The following CACNA2D3 variants were observed in gnomAD, a reference collection of about 807,000 sequenced individuals.
CACNA2D3 encodes voltage-dependent calcium channel subunit alpha-2/delta-3.
CACNA2D3 carries 60 observed loss-of-function variants against 160.6 expected under a neutral mutation model. That is an observed-to-expected ratio of 0.37 (90% confidence interval 0.30 to 0.46). The LOEUF is 0.46. CACNA2D3 is among the 20% of genes least tolerant of loss of function. The pLI is 1.00. For synonymous variants in CACNA2D3, 558 were observed against 492.9 expected (o/e 1.13, Z -1.75); for missense variants, 1,205 against 1,365.0 (o/e 0.88, Z 1.85).
chr3:54,902,781 A>G, intron 27 of CACNA2D3, among the ~76,000 whole-genome samples: 1 of 152,344 alleles, frequency 6.6e-6, no homozygotes, highest in East Asian at 1.9e-4. Context: ...TAGGCTTGGG[A>G]TTATTACCTC....
chr3:54,721,762 C>CAAAAAAAA (rs34393649), intron 11 of CACNA2D3, among the ~76,000 whole-genome samples: 1 of 106,306 alleles, frequency 9.4e-6, no homozygotes, highest in Non-Finnish European at 1.9e-5. Context: ...AACTCCATCT[C>CAAAAAAAA]AAAAAAAAAA....
intron 27 of CACNA2D3, among the ~76,000 whole-genome samples, chr3:54,958,748 G>T (rs1320289583): frequency 6.6e-6 from 1 of 151,942 alleles, no homozygotes; most frequent in Non-Finnish European, 1.5e-5. Context: ...ATCACCCCAG[G>T]TCATTGCCTG....
chr3:54,673,525 A>G (rs1390173165), intron 11 of CACNA2D3, among the ~76,000 whole-genome samples: 5 of 152,192 alleles, frequency 3.3e-5, no homozygotes, highest in Non-Finnish European at 7.3e-5. Flanking sequence ...TTTTCTCTCC[A>G]AATTAGTGAA....
intron 14 of CACNA2D3, among the ~76,000 whole-genome samples, chr3:54,827,151 C>T (rs1177852118): frequency 6.6e-6 from 1 of 152,234 alleles, no homozygotes; most frequent in Non-Finnish European, 1.5e-5. Flanking sequence ...CAGGCTCTGG[C>T]ATCAGGTAGA....
intron 2 of CACNA2D3, among the ~76,000 whole-genome samples, chr3:54,295,915 C>T (rs1703332702): frequency 1.3e-5 from 2 of 152,124 alleles, no homozygotes; most frequent in African/African-American, 4.8e-5. Context: ...TTTTGGGGTC[C>T]TAAGATTTAT....
intron 14 of CACNA2D3, among the ~76,000 whole-genome samples, chr3:54,827,017 C>T (rs1703763448): frequency 6.6e-6 from 1 of 152,170 alleles, no homozygotes; most frequent in Non-Finnish European, 1.5e-5. Context: ...AAGGACTTTT[C>T]CTATTTGAAG....
At chr3:54,766,047 C>G (rs759562417) in intron 13 of CACNA2D3, among the ~76,000 whole-genome samples, 6 of 152,018 alleles carry the variant, frequency 3.9e-5, no homozygotes, top group African/African-American at 1.5e-4. Flanking sequence ...CCTCTGTGAC[C>G]TGGATTCTGG....
chr3:54,179,949 T>C (rs1033128411), intron 2 of CACNA2D3, among the ~76,000 whole-genome samples: 2 of 152,108 alleles, frequency 1.3e-5, no homozygotes, highest in Admixed American at 6.5e-5. Context: ...TTCAGCAGGG[T>C]CTGTGGGTTG....
intron 27 of CACNA2D3, among the ~76,000 whole-genome samples, chr3:54,912,574 C>G (rs1700581156): frequency 6.6e-6 from 1 of 152,072 alleles, no homozygotes; most frequent in East Asian, 1.9e-4. Flanking sequence ...ATACCTTCAC[C>G]ACTGGTTCCA....
chr3:54,208,926 CA>C (rs1701321746), intron 2 of CACNA2D3, among the ~76,000 whole-genome samples: 2 of 151,922 alleles, frequency 1.3e-5, no homozygotes, highest in Non-Finnish European at 2.9e-5. Flanking sequence ...TGGTGGAAGG[CA>C]AAAGGCACAT....
chr3:54,313,806 A>G (rs2107501697), intron 2 of CACNA2D3, among the ~76,000 whole-genome samples: 2 of 138,788 alleles, frequency 1.4e-5, no homozygotes, highest in South Asian at 4.4e-4. Context: ...TGCCCTGACT[A>G]CCCTCATCAG....
intron 4 of CACNA2D3, among the ~76,000 whole-genome samples, chr3:54,470,325 CA>C (rs1324135350): frequency 5.9e-5 from 9 of 152,140 alleles, no homozygotes; most frequent in Non-Finnish European, 1.3e-4. Flanking sequence ...CATATCCAGC[CA>C]AACTAAGCTT....
intron 27 of CACNA2D3, among the ~76,000 whole-genome samples, chr3:54,913,033 C>T (rs1000823933): frequency 3.3e-5 from 5 of 152,082 alleles, no homozygotes; most frequent in Non-Finnish European, 7.4e-5. Context: ...CTATTGCTCT[C>T]GTCCTTGACA....
intron 14 of CACNA2D3, among the ~76,000 whole-genome samples, chr3:54,818,804 C>T (rs768823875): frequency 2.0e-5 from 3 of 152,116 alleles, no homozygotes; most frequent in Non-Finnish European, 4.4e-5. Context: ...TGTCTTTTTT[C>T]TGTTAAAATA....
At chr3:55,049,748 G>A (rs1196556488) in intron 35 of CACNA2D3, among the ~76,000 whole-genome samples, 2 of 149,396 alleles carry the variant, frequency 1.3e-5, no homozygotes, top group Non-Finnish European at 3.0e-5. Context: ...AAGTCTCTTT[G>A]TAGGTCACTG....
chr3:54,480,126 T>C (rs1034960560), intron 4 of CACNA2D3, among the ~76,000 whole-genome samples: 1 of 152,118 alleles, frequency 6.6e-6, no homozygotes, highest in African/African-American at 2.4e-5. Context: ...GGAGGCTCAA[T>C]TGAGCCCAGG....
At chr3:55,043,960 TTATC>T (rs201849761) in intron 35 of CACNA2D3, among the ~76,000 whole-genome samples, 1,779 of 152,300 alleles carry the variant, frequency 0.012, 19 homozygotes, top group Non-Finnish European at 0.016. Context: ...ACATTTTAAT[TTATC>T]TATGTGTCTG....
chr3:54,689,964 C>T (rs1003073607), intron 11 of CACNA2D3, among the ~76,000 whole-genome samples: 1 of 152,142 alleles, frequency 6.6e-6, no homozygotes, highest in Non-Finnish European at 1.5e-5. Flanking sequence ...TCTTTCCTTT[C>T]ATTCATGTGT....
chr3:54,501,876 G>A (rs1244882431), intron 4 of CACNA2D3, among the ~76,000 whole-genome samples: 2 of 152,098 alleles, frequency 1.3e-5, no homozygotes, highest in Non-Finnish European at 2.9e-5. Flanking sequence ...TCCTTTACTT[G>A]TGAAGGGTAA....
Sources: allele counts gnomAD v4.1 joint callset (sites outside exome capture counted in the v4.1 genomes callset), GRCh38; gene constraint gnomAD v4.1.1; transcripts MANE v1.5; gene names NCBI Gene and HGNC (gene_info 2026-07-23, HGNC 2026-07-21).